CAB39L: variants seen among roughly 807,000 people sequenced by gnomAD.
The protein encoded by CAB39L is calcium binding protein 39 like, also known as calcium-binding protein 39-like.
CAB39L carries 23 observed loss-of-function variants against 39.1 expected under a neutral mutation model. The observed-to-expected ratio is 0.59, with a 90% confidence interval of 0.42 to 0.83. The LOEUF is 0.83. Ranked by LOEUF, CAB39L falls within the 40% of genes least tolerant of loss-of-function variation. The pLI is 0.00. For missense variants in CAB39L, 366 were observed against 391.9 expected, an observed-to-expected ratio of 0.93 and a Z score of 0.56; for synonymous variants, 126 against 137.2, an observed-to-expected ratio of 0.92 and a Z score of 0.57.
rs771889576 is a variant in CAB39L, at chr13:49,339,730, A to G, written c.637T>C (p.Tyr213His). Residue 213 changes from tyrosine (Y) to histidine (H), a missense_variant, in exon 9 of 11, where the codon TAT (tyrosine) becomes CAT (histidine). Physicochemically the swap from Tyr to His is moderately conservative, Grantham distance 83. Transcript: ENST00000409308. The stretch of plus-strand genomic sequence containing the variant: ...TTCTCAGACTGAAGCAATTTCTCAT[A>G]GTCTTCAAAAATCTAATGAAAAGAA... ...EQNYDTIFEDYEKLLQSENYV... is the reference protein window; with the variant it reads ...EQNYDTIFEDHEKLLQSENYV... 2.5e-6 allele frequency: 4 copies of G among 1,583,030 alleles called. No homozygotes were observed. Among genetic ancestry groups the G allele is most frequent in the Non-Finnish European group, 3.4e-6 (4 of 1,166,076 alleles).
At position 49,350,726 on chromosome 13, in the gene CAB39L, T is replaced by C; in HGVS notation, c.564+18A>G. On this transcript the variant is annotated intron_variant, in intron 7 of 10. Coordinates refer to ENST00000409308, the MANE Select transcript of CAB39L (RefSeq NM_001079670.3). ...GTGACTATAAATTGACCTAGCTGAG[T>C]TGGAAAAAAAAAATTACCTTGAAAG... 6.6e-7 allele frequency: 1 copy of C among 1,515,990 alleles called. No homozygotes were observed. Among genetic ancestry groups the C allele is most frequent in the South Asian group, 1.3e-5 (1 of 75,310 alleles). 93.9% of individuals were successfully genotyped at this position (1,515,990 alleles called of 1,614,324 possible).
rs1342776987 is a variant in CAB39L at position 49,356,909 on chromosome 13, C to T, written c.395+2805G>A. Among the ~76,000 whole-genome samples, 8 of 151,888 alleles carry T rather than the reference C, an allele frequency of 5.3e-5. No individual in the cohort carries two copies. In the East Asian group the frequency reaches 1.2e-3, roughly 22 times the overall value. ...CTAAAAATAGAAAAAATTAGTGAGG[C>T]GTGGTGGCATGGGCCTGTAGTCCCA... On this transcript the variant is annotated intron_variant, in intron 6 of 10. Coordinates refer to ENST00000409308, the MANE Select transcript of CAB39L (RefSeq NM_001079670.3).
intron 5 of CAB39L, among the ~76,000 whole-genome samples, chr13:49,360,332 T>A (rs563122531): frequency 1.3e-5 from 2 of 151,042 alleles, no homozygotes; most frequent in South Asian, 4.2e-4. Flanking sequence ...TTCTTCACCC[T>A]AGTGCCTTGA....
intron 8 of CAB39L, among the ~76,000 whole-genome samples, chr13:49,340,335 GT>G (rs1954973436): frequency 6.6e-6 from 1 of 152,300 alleles, no homozygotes; most frequent in South Asian, 2.1e-4. Flanking sequence ...ATCTGGGGAG[GT>G]TCAGCATTCA....
chr13:49,340,005 A>C (rs1392310698), intron 8 of CAB39L, among the ~76,000 whole-genome samples: 2 of 152,224 alleles, frequency 1.3e-5, no homozygotes, highest in African/African-American at 4.8e-5. Context: ...ACTTCTAGTA[A>C]AAGTTGCAAG....
At chr13:49,377,786 G>C (rs1217782833) in intron 4 of CAB39L, among the ~76,000 whole-genome samples, 1 of 93,028 alleles carries the variant, frequency 1.1e-5, no homozygotes, top group Non-Finnish European at 2.2e-5. Flanking sequence ...CCAAAGTGCC[G>C]AGATTGCAGC....
chr13:49,385,627 C>T (rs979603829), intron 3 of CAB39L, among the ~76,000 whole-genome samples: 2 of 152,164 alleles, frequency 1.3e-5, no homozygotes, highest in Admixed American at 1.3e-4. Context: ...ATATGTGACT[C>T]TTCCTTTTCC....
At chr13:49,438,409 A>C (rs1957452503) in intron 1 of CAB39L, among the ~76,000 whole-genome samples, 2 of 152,104 alleles carry the variant, frequency 1.3e-5, no homozygotes, top group Admixed American at 1.3e-4. Flanking sequence ...TTTGCTCACC[A>C]CCTGACCTTA....
intron 3 of CAB39L, among the ~76,000 whole-genome samples, chr13:49,431,279 G>A (rs1034110873): frequency 1.3e-5 from 2 of 152,086 alleles, no homozygotes; most frequent in Non-Finnish European, 2.9e-5. Context: ...TTCACATAGC[G>A]TAATTGTTCT....
At chr13:49,338,488 C>T (rs2138418284) in intron 9 of CAB39L, among the ~76,000 whole-genome samples, 1 of 115,200 alleles carries the variant, frequency 8.7e-6, no homozygotes, top group South Asian at 2.8e-4. Context: ...ACATCACACT[C>T]TGGGGACTGT....
intron 10 of CAB39L, among the ~76,000 whole-genome samples, chr13:49,313,939 G>A (rs1011066198): frequency 6.6e-6 from 1 of 152,164 alleles, no homozygotes; most frequent in African/African-American, 2.4e-5. Flanking sequence ...ACCCTAGGAT[G>A]TTGAGTACCA....
At chr13:49,442,486 A>C (rs574064640) in intron 1 of CAB39L, among the ~76,000 whole-genome samples, 3 of 152,298 alleles carry the variant, frequency 2.0e-5, no homozygotes, top group Non-Finnish European at 4.4e-5. Context: ...CATGGAATCA[A>C]GTAATTAAGA....
chr13:49,317,598 G>C (rs1954195661), intron 10 of CAB39L, among the ~76,000 whole-genome samples: 1 of 152,094 alleles, frequency 6.6e-6, no homozygotes, highest in Admixed American at 6.6e-5. Context: ...AAAAGACGAA[G>C]CTGAGCCCTT....
chr13:49,440,235 A>G (rs752120269), intron 1 of CAB39L, among the ~76,000 whole-genome samples: 4 of 152,006 alleles, frequency 2.6e-5, no homozygotes, highest in Non-Finnish European at 5.9e-5. Flanking sequence ...TCTTTAATCC[A>G]TCTTGAATTG....
At chr13:49,312,304 T>C (rs183874692) in intron 10 of CAB39L, among the ~76,000 whole-genome samples, 1 of 152,344 alleles carries the variant, frequency 6.6e-6, no homozygotes, top group East Asian at 1.9e-4. Flanking sequence ...GTCCTAGGCC[T>C]TCGCATTCAC....
chr13:49,403,920 G>A (rs1180455954), intron 3 of CAB39L, among the ~76,000 whole-genome samples: 1 of 152,120 alleles, frequency 6.6e-6, no homozygotes, highest in East Asian at 1.9e-4. Flanking sequence ...GAGAAAAAAA[G>A]TTTAAAAAAA....
chr13:49,328,837 G>A (rs1217448954), intron 10 of CAB39L, among the ~76,000 whole-genome samples: 1 of 151,892 alleles, frequency 6.6e-6, no homozygotes, highest in Non-Finnish European at 1.5e-5. Flanking sequence ...CCTGTCTCAA[G>A]AAAAATTTCT....
chr13:49,423,993 T>A (rs9316451), intron 3 of CAB39L, among the ~76,000 whole-genome samples: 152,380 of 152,380 alleles, frequency 1, 76,190 homozygotes, highest in Non-Finnish European at 1. Context: ...AATAAAAATC[T>A]CTAAAAATAG....
chr13:49,369,243 A>T (rs778628860), intron 5 of CAB39L, among the ~76,000 whole-genome samples: 1 of 152,262 alleles, frequency 6.6e-6, no homozygotes, highest in Non-Finnish European at 1.5e-5. Flanking sequence ...CTATGTTCAC[A>T]CTAAATACTA....
Sources: allele counts gnomAD v4.1 joint callset (sites outside exome capture counted in the v4.1 genomes callset), GRCh38; gene constraint gnomAD v4.1.1; transcripts MANE v1.5; gene names NCBI Gene and HGNC (gene_info 2026-07-23, HGNC 2026-07-21).